SPPL2A: variants seen among roughly 807,000 people sequenced by gnomAD.
SPPL2A encodes signal peptide peptidase-like 2A.
A neutral mutation model predicts 63.8 loss-of-function variants in SPPL2A; 51 were observed. The observed-to-expected ratio is 0.80, with a 90% CI of 0.64 to 1.01. SPPL2A has a LOEUF of 1.01. Among genes scored for constraint, SPPL2A ranks in the 50% least tolerant of loss-of-function variants. The probability of loss-of-function intolerance (pLI) is 0.00; values close to 1 mark genes in which losing one functional copy is unlikely to be tolerated. For missense variants in SPPL2A, 553 were observed against 622.7 expected (o/e 0.89, Z 1.19); for synonymous variants, 188 against 205.8 (o/e 0.91, Z 0.74).
chr15:50,750,883 T>A (rs2062900470), intron 1 of SPPL2A, among the ~76,000 whole-genome samples: 1 of 152,244 alleles, frequency 6.6e-6, no homozygotes. Flanking sequence ...AATGTTGATG[T>A]ACTAAGCTTC....
chr15:50,714,975 T>C (rs1017447912), intron 14 of SPPL2A, among the ~76,000 whole-genome samples: 1 of 151,850 alleles, frequency 6.6e-6, no homozygotes, highest in African/African-American at 2.4e-5. Flanking sequence ...CTCAAGATCA[T>C]GATTTTTAAG....
intron 5 of SPPL2A, among the ~76,000 whole-genome samples, chr15:50,740,991 T>C (rs2062815583): frequency 6.6e-6 from 1 of 152,208 alleles, no homozygotes. Context: ...ATCAATGTAT[T>C]ATAAAGGACT....
Position 50,722,210 on chromosome 15 carries a change from C to CA in SPPL2A, c.1250-10dup. On this transcript the variant is annotated splice_polypyrimidine_tract_variant and intron_variant, in intron 12 of 14. Transcript: ENST00000261854. ...GTATGCAATCAACAGGCCTTAAAAA[C>CA]AAAACAAAACATTATTTTCTTAAAA... The CA allele has an allele frequency of 6.6e-7, 1 of 1,510,746 alleles. No individual in the cohort carries two copies. The highest frequency in any genetic ancestry group is 9.2e-7 in the Non-Finnish European group (1 of 1,092,356). The allele number at this position is 1,510,746 out of a possible 1,614,324, so 93.6% of individuals were successfully genotyped here. A position where few individuals can be genotyped will look rare whatever the true frequency, so the allele number is the denominator to read the frequency against.
At chr15:50,739,376 T>C (rs916716099) in intron 6 of SPPL2A, among the ~76,000 whole-genome samples, 6 of 151,932 alleles carry the variant, frequency 3.9e-5, no homozygotes, top group African/African-American at 1.4e-4. Context: ...ATGGAGTTTC[T>C]CCATGTTGGT....
chr15:50,739,821 A>G lies in SPPL2A; in HGVS notation c.592T>C (p.Leu198=). The change falls in exon 6 of 15, where the codon TTG becomes CTG. Residue 198 remains leucine, a synonymous_variant. Transcript: ENST00000261854. ...YWSGLVELEN[L]KAVTTEDREM... is the part of the protein sequence containing the mutation. ...CTATCTTCAGTTGTCACTGCTTTCAAGTTTTCCCTGTACAAACACACAGGA... is the reference window on the plus strand; with the variant it reads ...CTATCTTCAGTTGTCACTGCTTTCAGGTTTTCCCTGTACAAACACACAGGA... The G allele has an allele frequency of 1.3e-6, 2 of 1,599,544 alleles. No individual in the cohort carries two copies. The highest frequency in any genetic ancestry group is 2.3e-5 in the South Asian group (2 of 88,094).
intron 5 of SPPL2A, among the ~76,000 whole-genome samples, chr15:50,745,062 T>C (rs553446655): frequency 6.4e-4 from 98 of 152,338 alleles, no homozygotes; most frequent in Middle Eastern, 6.8e-3. Context: ...TATGAATTTA[T>C]GGCAAACAAT....
At chr15:50,754,746 G>C (rs1393298266) in intron 1 of SPPL2A, among the ~76,000 whole-genome samples, 1 of 152,074 alleles carries the variant, frequency 6.6e-6, no homozygotes, top group Non-Finnish European at 1.5e-5. Flanking sequence ...ACTTTGGGAG[G>C]CCTAGGTGGG....
At chr15:50,765,393 G>C (rs550111938) in intron 1 of SPPL2A, 75 bp downstream of exon 1, 3 of 1,219,236 alleles carry the variant, frequency 2.5e-6, no homozygotes, top group Non-Finnish European at 3.3e-6. Flanking sequence ...GCGAGGAGTA[G>C]GGGAAGGGAG....
chr15:50,736,907 G>GTTTTTTTTTTTTT (rs35812835), intron 6 of SPPL2A, among the ~76,000 whole-genome samples, 167 bp from the exon 7 acceptor site: 3 of 150,506 alleles, frequency 2.0e-5, no homozygotes, highest in African/African-American at 2.4e-5. Flanking sequence ...AGATCGTGAG[G>GTTTTTTTTTTTTT]TTTTTTGTTT....
chr15:50,726,225 C>G, intron 11 of SPPL2A, 96 bp downstream of exon 11: 2 of 1,457,452 alleles, frequency 1.4e-6, no homozygotes, highest in Non-Finnish European at 1.9e-6. Flanking sequence ...CCTTAACATG[C>G]ACTATGTGGC....
intron 6 of SPPL2A, 101 bp from the exon 7 acceptor site, chr15:50,736,841 A>AT: frequency 1.7e-6 from 1 of 600,682 alleles, no homozygotes; most frequent in East Asian, 3.0e-5. Flanking sequence ...TTATTGAATC[A>AT]TACTTCCAAT....
chr15:50,725,182 G>GTGT, intron 12 of SPPL2A, 39 bp downstream of exon 12: 1 of 1,127,204 alleles, frequency 8.9e-7, no homozygotes, highest in Non-Finnish European at 1.3e-6. Context: ...AAAATCATCA[G>GTGT]TGTTTTTTTT....
intron 14 of SPPL2A, among the ~76,000 whole-genome samples, chr15:50,709,611 G>A (rs1056908114): frequency 2.6e-5 from 4 of 152,156 alleles, no homozygotes; most frequent in East Asian, 1.9e-4. Context: ...CCAACATGGT[G>A]AAACCCTGTC....
At chr15:50,731,754 G>A (rs1203123717) in intron 9 of SPPL2A, among the ~76,000 whole-genome samples, 1 of 150,208 alleles carries the variant, frequency 6.7e-6, no homozygotes, top group African/African-American at 2.4e-5. Context: ...ATGGTGAAAC[G>A]CTGTCTCTAC....
intron 13 of SPPL2A, among the ~76,000 whole-genome samples, 197 bp downstream of exon 13, chr15:50,721,927 T>TG (rs1360404593): frequency 6.6e-6 from 1 of 152,016 alleles, no homozygotes; most frequent in Non-Finnish European, 1.5e-5. Flanking sequence ...TTTTTAGAGA[T>TG]GGGGTCTCAC....
intron 9 of SPPL2A, 127 bp downstream of exon 9, chr15:50,732,476 A>G (rs1356720373): frequency 1.6e-6 from 1 of 607,910 alleles, no homozygotes; most frequent in Non-Finnish European, 3.0e-6. Flanking sequence ...ATAAAGTTAC[A>G]CATTCATAAA....
intron 1 of SPPL2A, among the ~76,000 whole-genome samples, chr15:50,763,824 G>A (rs529482005): frequency 5.9e-5 from 9 of 152,304 alleles, no homozygotes; most frequent in Admixed American, 5.9e-4. Flanking sequence ...CTTGAACCTG[G>A]GAGGCGGAGG....
At chr15:50,744,868 G>C (rs2062846773) in intron 5 of SPPL2A, among the ~76,000 whole-genome samples, 1 of 152,122 alleles carries the variant, frequency 6.6e-6, no homozygotes, top group South Asian at 2.1e-4. Context: ...GGGCAGTAGG[G>C]TTAGAAGTTT....
chr15:50,727,609 G>A (rs908865700), intron 10 of SPPL2A, among the ~76,000 whole-genome samples: 1 of 152,132 alleles, frequency 6.6e-6, no homozygotes, highest in Non-Finnish European at 1.5e-5. Flanking sequence ...TGAGCACAGT[G>A]GTGGACGGAA....
Sources: gnomAD v4.1 joint callset for allele counts (sites outside exome capture counted in the v4.1 genomes callset) on GRCh38, gnomAD v4.1.1 for gene constraint, MANE v1.5 for transcripts, NCBI Gene and HGNC (gene_info 2026-07-23, HGNC 2026-07-21) for gene names.